Variants in RNLS observed in about 807,000 individuals in gnomAD.
RNLS encodes the protein renalase, FAD dependent amine oxidase, also known as renalase.
A neutral mutation model predicts 39.8 loss-of-function variants in RNLS; 39 were observed. The ratio of observed to expected loss-of-function variants is 0.98; its 90% CI spans 0.76 to 1.28. The LOEUF (loss-of-function observed/expected upper bound fraction) is 1.28. Ranked by LOEUF, RNLS falls within the 50% of genes most tolerant of loss-of-function variation. RNLS has a pLI of 0.00. For synonymous variants in RNLS, 147 were observed against 150.7 expected (o/e 0.98, Z 0.18); for missense variants, 410 against 413.3 (o/e 0.99, Z 0.07).
At chr10:88,400,214 T>A (rs1373114067) in intron 4 of RNLS, among the ~76,000 whole-genome samples, 1 of 152,022 alleles carries the variant, frequency 6.6e-6, no homozygotes, top group East Asian at 1.9e-4. Flanking sequence ...ATTTAATATA[T>A]TTGAGTGGCC....
chr10:88,214,498 CAAAAAAAAAA>C, the RNLS span, among the ~76,000 whole-genome samples: 88,153 of 136,286 alleles, frequency 0.65, 27,736 homozygotes, highest in African/African-American at 0.75. Flanking sequence ...GACTCCGTCT[CAAAAAAAAAA>C]AAAAAAAAAA....
chr10:88,322,735 GTC>G (rs1461020604), intron 5 of RNLS, among the ~76,000 whole-genome samples: 3 of 152,140 alleles, frequency 2.0e-5, no homozygotes, highest in Admixed American at 1.3e-4. Flanking sequence ...AGACAAGGAT[GTC>G]TACTCTCATT....
intron 4 of RNLS, among the ~76,000 whole-genome samples, chr10:88,403,255 C>T (rs1375090951): frequency 6.6e-6 from 1 of 151,994 alleles, no homozygotes; most frequent in Non-Finnish European, 1.5e-5. Context: ...TATTACAAAA[C>T]CTTATTTTGA....
chr10:88,358,402 G>A (rs1296051647), intron 5 of RNLS, among the ~76,000 whole-genome samples: 1 of 152,204 alleles, frequency 6.6e-6, no homozygotes, highest in Admixed American at 6.5e-5. Flanking sequence ...TGGGATGTTA[G>A]TAGGTTTGGT....
the RNLS span, among the ~76,000 whole-genome samples, chr10:88,225,501 T>C: frequency 6.6e-6 from 1 of 152,180 alleles, no homozygotes; most frequent in African/African-American, 2.4e-5. Context: ...CTTGCTTAAG[T>C]CCAGGAGTTT....
rs139881504 is a variant in RNLS, at chr10:88,336,492, T to G, written c.701-21851A>C. Among the ~76,000 whole-genome samples the G allele has an allele frequency of 1.3e-5, 2 of 152,318 alleles. 1 individual carries two copies. On this transcript the variant is annotated intron_variant, in intron 5 of 6. Coordinates refer to ENST00000331772, the MANE Select transcript of RNLS (RefSeq NM_001031709.3). ...GCATTTAGTTAAATATAAACAAGTG[T>G]GTAAAACCCCACACGATGAATTGAA...
At chr10:88,306,299 C>T (rs530831985) in intron 6 of RNLS, among the ~76,000 whole-genome samples, 27 of 152,112 alleles carry the variant, frequency 1.8e-4, no homozygotes, top group African/African-American at 6.3e-4. Context: ...CATACCAAAG[C>T]TAGCAGAGAC....
chr10:88,189,248 A>T, the RNLS span, among the ~76,000 whole-genome samples: 1 of 152,192 alleles, frequency 6.6e-6, no homozygotes, highest in African/African-American at 2.4e-5. Context: ...ATATGACTTT[A>T]AAAGCTGTTA....
chr10:88,459,011 C>T (rs1012281052), intron 4 of RNLS, among the ~76,000 whole-genome samples: 39 of 152,290 alleles, frequency 2.6e-4, no homozygotes, highest in African/African-American at 9.1e-4. Flanking sequence ...TCACTCAATG[C>T]TTCCAACACT....
chr10:88,560,636 G>A (rs946207910), intron 4 of RNLS, among the ~76,000 whole-genome samples: 1 of 151,998 alleles, frequency 6.6e-6, no homozygotes, highest in Non-Finnish European at 1.5e-5. Context: ...GAGCTCCCAG[G>A]AGGAGTAACA....
intron 4 of RNLS, among the ~76,000 whole-genome samples, chr10:88,413,739 G>T (rs1257048788): frequency 1.3e-5 from 2 of 152,122 alleles, no homozygotes; most frequent in African/African-American, 4.8e-5. Context: ...GATAGGATTT[G>T]TTTTCATTGT....
At chr10:88,537,543 C>T (rs1023747898) in intron 4 of RNLS, among the ~76,000 whole-genome samples, 6 of 152,142 alleles carry the variant, frequency 3.9e-5, no homozygotes, top group Non-Finnish European at 8.8e-5. Flanking sequence ...TTTCTAACTA[C>T]GTGTAACATT....
chr10:88,180,250 C>T, the RNLS span, among the ~76,000 whole-genome samples: 1 of 152,206 alleles, frequency 6.6e-6, no homozygotes, highest in African/African-American at 2.4e-5. Flanking sequence ...AAACCCAACA[C>T]TGACATATGG....
In RNLS at chr10:88,336,057, T is replaced by C. The variant is rs545754826; in HGVS notation, c.701-21416A>G. 5.9e-5 allele frequency among the ~76,000 whole-genome samples: 9 copies of C among 152,346 alleles called. No individual in the cohort carries two copies. The South Asian group carries it at 1.9e-3, about 32-fold the overall frequency. On this transcript the variant is annotated intron_variant, in intron 5 of 6. Coordinates refer to ENST00000331772, the MANE Select transcript of RNLS (RefSeq NM_001031709.3). ...GCAAGATTTTTCTCCATCTACTGAATGAACACGGCAGGGTCAGCAGTACTG... is the reference window on the plus strand; with the variant it reads ...GCAAGATTTTTCTCCATCTACTGAACGAACACGGCAGGGTCAGCAGTACTG...
At chr10:88,245,331 C>T in the RNLS span, among the ~76,000 whole-genome samples, 4 of 152,216 alleles carry the variant, frequency 2.6e-5, no homozygotes, top group South Asian at 8.3e-4. Context: ...GGGTCTTGGG[C>T]TTACGTTATT....
At chr10:88,201,004 T>TC in the RNLS span, among the ~76,000 whole-genome samples, 4,728 of 149,972 alleles carry the variant, frequency 0.032, 161 homozygotes, top group South Asian at 0.13. Flanking sequence ...TTTTTTTTTT[T>TC]TAACAACTAA....
chr10:88,494,170 C>T (rs978893727), intron 4 of RNLS, among the ~76,000 whole-genome samples: 1 of 152,102 alleles, frequency 6.6e-6, no homozygotes, highest in African/African-American at 2.4e-5. Context: ...AGATTTTGAA[C>T]AGCACTGTAA....
At chr10:88,299,571 G>A (rs1259621264) in intron 6 of RNLS, among the ~76,000 whole-genome samples, 1 of 152,196 alleles carries the variant, frequency 6.6e-6, no homozygotes, top group East Asian at 1.9e-4. Flanking sequence ...GTTGCAGTGA[G>A]CCAAGATTGT....
intron 4 of RNLS, among the ~76,000 whole-genome samples, chr10:88,398,197 A>T (rs1852685939): frequency 1.3e-5 from 2 of 152,140 alleles, no homozygotes; most frequent in Non-Finnish European, 2.9e-5. Flanking sequence ...TGGGAGATCC[A>T]GGATCAACAA....
Sources: gnomAD v4.1 joint callset for allele counts (sites outside exome capture counted in the v4.1 genomes callset) on GRCh38, gnomAD v4.1.1 for gene constraint, MANE v1.5 for transcripts, NCBI Gene and HGNC (gene_info 2026-07-23, HGNC 2026-07-21) for gene names.